Variants in MAP2K1 observed in about 807,000 individuals in gnomAD.
The protein encoded by MAP2K1 is mitogen-activated protein kinase kinase 1.
In MAP2K1, 16 loss-of-function variants were observed where a neutral mutation model predicts 46.3. The observed-to-expected ratio is 0.35, with a 90% CI of 0.23 to 0.52. MAP2K1 has a LOEUF of 0.52. Ranked by LOEUF, MAP2K1 falls within the 20% of genes least tolerant of loss-of-function variation. MAP2K1 has a pLI of 0.94. For synonymous variants in MAP2K1, 183 were observed against 185.6 expected, an observed-to-expected ratio of 0.99 and a Z score of 0.11; for missense variants, 263 against 497.1, an observed-to-expected ratio of 0.53 and a Z score of 4.48.
At chr15:66,478,368 T>A (rs1892815653) in intron 5 of MAP2K1, among the ~76,000 whole-genome samples, 1 of 131,646 alleles carries the variant, frequency 7.6e-6, no homozygotes, top group Non-Finnish European at 1.6e-5. Flanking sequence ...TACACACATA[T>A]ATGTTAAATA....
chr15:66,483,219 C>T (rs975988760), intron 6 of MAP2K1, among the ~76,000 whole-genome samples: 11 of 152,190 alleles, frequency 7.2e-5, no homozygotes, highest in Non-Finnish European at 1.2e-4. Flanking sequence ...AACACATCCT[C>T]ATTCCTTCTT....
intron 5 of MAP2K1, among the ~76,000 whole-genome samples, chr15:66,466,495 A>G (rs891492059): frequency 1.3e-5 from 2 of 151,592 alleles, no homozygotes; most frequent in African/African-American, 2.4e-5. Context: ...CCTGGCCAAC[A>G]TGGTGAAACC....
In MAP2K1 at chr15:66,387,478, G is replaced by T. The variant is rs1019362221; in HGVS notation, c.80+51G>T. Reference sequence around the variant, plus strand: ...TCGGGGCCCGGCTGGGGAGGCCCGAGCCGGGGAGCAGGAGCGCGCGCCAGG... The same window carrying T: ...TCGGGGCCCGGCTGGGGAGGCCCGATCCGGGGAGCAGGAGCGCGCGCCAGG... On this transcript the variant is annotated intron_variant, in intron 1 of 10. Coordinates refer to ENST00000307102, the MANE Select transcript of MAP2K1 (RefSeq NM_002755.4). 6.5e-6 allele frequency: 10 copies of T among 1,530,594 alleles called. No individual in the cohort carries two copies. In the African/African-American group the frequency reaches 1.1e-4, roughly 17 times the overall value. The allele number at this position is 1,530,594 out of a possible 1,614,324, so 94.8% of individuals were successfully genotyped here.
chr15:66,465,305 C>T (rs146681011), intron 5 of MAP2K1, among the ~76,000 whole-genome samples: 15 of 152,250 alleles, frequency 9.9e-5, no homozygotes, highest in Non-Finnish European at 1.5e-4. Flanking sequence ...CCCAAATGAG[C>T]AATTCCTGTC....
rs1026795420 is a variant in MAP2K1 at position 66,409,773 on chromosome 15, C to T, written c.80+22346C>T. On this transcript the variant is annotated intron_variant, in intron 1 of 10. Transcript: ENST00000307102. The stretch of plus-strand genomic sequence containing the variant: ...TCCCACCCACCAGTCTTCACACCCC[C>T]GCTAATATATCTAGGCTGATAAGGT... Among the ~76,000 whole-genome samples, 10 of 152,268 alleles carry T rather than the reference C, an allele frequency of 6.6e-5. 1 individual carries two copies. Among genetic ancestry groups the T allele is most frequent in the South Asian group, 2.1e-4 (1 of 4,824 alleles).
intron 5 of MAP2K1, chr15:66,453,591 G>C (rs7169463): frequency 0.088 from 61,877 of 702,100 alleles, 2,865 homozygotes; most frequent in African/African-American, 0.13. Flanking sequence ...AAATGAGAGA[G>C]AGCAGTCTCC....
chr15:66,444,005 A>C (rs529489462), intron 4 of MAP2K1, among the ~76,000 whole-genome samples: 1 of 152,332 alleles, frequency 6.6e-6, no homozygotes, highest in Non-Finnish European at 1.5e-5. Flanking sequence ...TGGGAGGCGG[A>C]GGCGGGCAGA....
At chr15:66,392,255 G>GTTTTTT (rs58831070) in intron 1 of MAP2K1, among the ~76,000 whole-genome samples, 26 of 97,710 alleles carry the variant, frequency 2.7e-4, no homozygotes, top group East Asian at 1.0e-3. Context: ...TTTTTTTTGG[G>GTTTTTT]TTTTTTTTTT....
intron 1 of MAP2K1, among the ~76,000 whole-genome samples, chr15:66,429,618 A>C (rs548628079): frequency 4.7e-5 from 7 of 149,524 alleles, no homozygotes; most frequent in Non-Finnish European, 8.9e-5. Context: ...GCCTTCCCCA[A>C]GATGTTGACT....
At chr15:66,484,149 A>T (rs1403013116) in intron 6 of MAP2K1, among the ~76,000 whole-genome samples, 3 of 123,716 alleles carry the variant, frequency 2.4e-5, no homozygotes, top group African/African-American at 1.0e-4. Flanking sequence ...ACCCCCCCCC[A>T]CCTTTTTTTC....
intron 5 of MAP2K1, among the ~76,000 whole-genome samples, chr15:66,477,291 G>A (rs2140659379): frequency 6.6e-6 from 1 of 152,332 alleles, no homozygotes; most frequent in Non-Finnish European, 1.5e-5. Flanking sequence ...GCACAGCCAT[G>A]CCTGAGCAGC....
chr15:66,472,948 C>T (rs1892676041), intron 5 of MAP2K1, among the ~76,000 whole-genome samples: 1 of 152,196 alleles, frequency 6.6e-6, no homozygotes, highest in Admixed American at 6.5e-5. Flanking sequence ...TTGTTTAACA[C>T]CCACCTCACT....
At chr15:66,476,607 G>A (rs1167378440) in intron 5 of MAP2K1, among the ~76,000 whole-genome samples, 5 of 152,232 alleles carry the variant, frequency 3.3e-5, no homozygotes, top group South Asian at 4.1e-4. Context: ...ATGTGGAGAC[G>A]TGTTGTGGTG....
chr15:66,425,752 A>G (rs760253239), intron 1 of MAP2K1, among the ~76,000 whole-genome samples: 5 of 152,242 alleles, frequency 3.3e-5, no homozygotes, highest in Non-Finnish European at 7.3e-5. Flanking sequence ...GGTTTTCTGT[A>G]ACAATATCCC....
intron 1 of MAP2K1, among the ~76,000 whole-genome samples, chr15:66,409,071 A>G (rs528698287): frequency 7.2e-4 from 110 of 152,134 alleles, no homozygotes; most frequent in Non-Finnish European, 1.4e-3. Flanking sequence ...GTTGTTGGTA[A>G]CCGTAGCATC....
At chr15:66,399,279 G>GA (rs1222744546) in intron 1 of MAP2K1, among the ~76,000 whole-genome samples, 2 of 152,028 alleles carry the variant, frequency 1.3e-5, no homozygotes, top group Non-Finnish European at 2.9e-5. Flanking sequence ...CTGTATGTTT[G>GA]AAAAAAATTT....
chr15:66,408,678 G>A (rs1040292101), intron 1 of MAP2K1, among the ~76,000 whole-genome samples: 2 of 152,052 alleles, frequency 1.3e-5, no homozygotes, highest in African/African-American at 4.8e-5. Flanking sequence ...GGGGATCAGC[G>A]CATGGTTCAT....
chr15:66,485,577 A>AT (rs1481090246), intron 7 of MAP2K1, among the ~76,000 whole-genome samples: 1 of 150,810 alleles, frequency 6.6e-6, no homozygotes, highest in African/African-American at 2.4e-5. Flanking sequence ...ACAGGTTATA[A>AT]TTTATTTGCG....
At chr15:66,459,352 C>T (rs1892255886) in intron 5 of MAP2K1, among the ~76,000 whole-genome samples, 1 of 150,386 alleles carries the variant, frequency 6.6e-6, no homozygotes, top group Non-Finnish European at 1.5e-5. Flanking sequence ...CACAGTGGCT[C>T]ATGCCTATAA....
Sources: allele counts gnomAD v4.1 joint callset (sites outside exome capture counted in the v4.1 genomes callset), GRCh38; gene constraint gnomAD v4.1.1; transcripts MANE v1.5; gene names NCBI Gene and HGNC (gene_info 2026-07-23, HGNC 2026-07-21).